GNAO1: variants seen among roughly 807,000 people sequenced by gnomAD.
The protein encoded by GNAO1 is G protein subunit alpha o1, also known as guanine nucleotide-binding protein G(o) subunit alpha.
For missense variants in GNAO1, 166 were observed against 478.7 expected (o/e 0.35, Z 6.10); for synonymous variants, 164 against 180.7 (o/e 0.91, Z 0.74).
At chr16:56,275,873 C>G (rs2143520670) in intron 2 of GNAO1, 58 bp from the exon 3 acceptor site, 1 of 1,484,664 alleles carries the variant, frequency 6.7e-7, no homozygotes, top group Non-Finnish European at 9.1e-7. Flanking sequence ...TGCCTGTGCT[C>G]TCTGTGTTGA....
Position 56,296,167 on chromosome 16 carries a change from G to A in GNAO1, c.303+20095G>A, listed in dbSNP as rs534672633. ...GTTTGGCTGATTGCCAGCCAAAACC[G>A]AATGGGCTTGTGGGAGAGTTCTGTT... On this transcript the variant is annotated intron_variant, in intron 3 of 8. Coordinates refer to ENST00000262493, the MANE Select transcript of GNAO1 (RefSeq NM_020988.3). 6.2e-4 allele frequency among the ~76,000 whole-genome samples: 95 copies of A among 152,310 alleles called. 2 individuals carry two copies. The South Asian group carries it at 0.019, about 30-fold the overall frequency.
rs374404135 is a variant in GNAO1, at chr16:56,346,158, C to T, written c.724-5226C>T. The T allele has an allele frequency of 3.1e-4, 301 of 985,448 alleles. 4 individuals are homozygous for T. The South Asian group carries it at 7.3e-3, about 24-fold the overall frequency. 61.0% of individuals were successfully genotyped at this position (985,448 alleles called of 1,614,324 possible). On this transcript the variant is annotated intron_variant, in intron 6 of 8. Transcript: ENST00000262493. ...CCTCCCACCCTAGCCTGGGGGTGGTCCTTGGTCCTCAGGGGTATCCGGGGA... is the reference window on the plus strand; with the variant it reads ...CCTCCCACCCTAGCCTGGGGGTGGTTCTTGGTCCTCAGGGGTATCCGGGGA...
chr16:56,273,561 C>G (rs1464516980), intron 2 of GNAO1, among the ~76,000 whole-genome samples: 1 of 152,114 alleles, frequency 6.6e-6, no homozygotes, highest in African/African-American at 2.4e-5. Context: ...TTTGCATATT[C>G]AGGAATTATT....
intron 2 of GNAO1, among the ~76,000 whole-genome samples, chr16:56,275,675 T>C (rs1596836272): frequency 6.6e-6 from 1 of 152,250 alleles, no homozygotes; most frequent in East Asian, 1.9e-4. Context: ...TCAAGTATTA[T>C]CACACCTCAT....
intron 2 of GNAO1, chr16:56,194,515 C>G: frequency 3.2e-6 from 1 of 311,924 alleles, no homozygotes; most frequent in Non-Finnish European, 6.4e-6. Flanking sequence ...CCGGAAAAGT[C>G]GATGGGGCTC....
At chr16:56,352,851 A>G (rs988038565) in intron 7 of GNAO1, 1 of 152,344 alleles carries the variant, frequency 6.6e-6, no homozygotes, top group Non-Finnish European at 1.5e-5. Flanking sequence ...CAAAGTCCCA[A>G]TAGGGCAGAG....
At chr16:56,314,640 C>G (rs1227401652) in intron 3 of GNAO1, among the ~76,000 whole-genome samples, 3 of 152,178 alleles carry the variant, frequency 2.0e-5, no homozygotes, top group Non-Finnish European at 4.4e-5. Flanking sequence ...CTCTGCAGCC[C>G]GGCGCCGAGT....
intron 6 of GNAO1, among the ~76,000 whole-genome samples, chr16:56,341,224 T>C (rs560523132): frequency 4.6e-5 from 7 of 152,276 alleles, no homozygotes; most frequent in South Asian, 2.1e-4. Context: ...TGTGTGACCA[T>C]GGCGGCCTCT....
intron 3 of GNAO1, among the ~76,000 whole-genome samples, chr16:56,321,683 A>G (rs1446551405): frequency 1.3e-5 from 2 of 152,112 alleles, no homozygotes; most frequent in Non-Finnish European, 2.9e-5. Flanking sequence ...GTAAAACAAG[A>G]GAAAAAAGCC....
chr16:56,337,358 G>T (rs1836533631), intron 6 of GNAO1, among the ~76,000 whole-genome samples: 1 of 152,226 alleles, frequency 6.6e-6, no homozygotes. Context: ...TGGGGTTGGG[G>T]GTGCTGGGGA....
chr16:56,291,558 G>A (rs999985467), intron 3 of GNAO1, among the ~76,000 whole-genome samples: 2 of 152,096 alleles, frequency 1.3e-5, no homozygotes, highest in East Asian at 3.8e-4. Context: ...ATTATCTTTC[G>A]AATTTTGTGA....
chr16:56,327,068 G>C (rs1330992566), intron 3 of GNAO1, among the ~76,000 whole-genome samples: 4 of 152,126 alleles, frequency 2.6e-5, no homozygotes, highest in Non-Finnish European at 4.4e-5. Context: ...ATGAAGTGGA[G>C]ATGGTAATAC....
At chr16:56,241,134 G>C (rs1473957879) in intron 2 of GNAO1, among the ~76,000 whole-genome samples, 1 of 152,204 alleles carries the variant, frequency 6.6e-6, no homozygotes, top group African/African-American at 2.4e-5. Context: ...GCAGTTCTTT[G>C]CCACAGGCCT....
chr16:56,265,420 G>A (rs543405473), intron 2 of GNAO1, among the ~76,000 whole-genome samples: 1 of 152,216 alleles, frequency 6.6e-6, no homozygotes, highest in African/African-American at 2.4e-5. Flanking sequence ...CCAGTGCCTG[G>A]AATGAAGAAA....
chr16:56,207,598 T>C (rs1289578334), intron 2 of GNAO1, among the ~76,000 whole-genome samples: 1 of 152,216 alleles, frequency 6.6e-6, no homozygotes, highest in Non-Finnish European at 1.5e-5. Context: ...GATGCTTAAA[T>C]ACAATTGTTG....
chr16:56,204,187 G>A (rs1596794952), intron 2 of GNAO1, among the ~76,000 whole-genome samples: 3 of 152,274 alleles, frequency 2.0e-5, no homozygotes, highest in Admixed American at 6.5e-5. Flanking sequence ...ATTTAGTTAT[G>A]CCATCAAGTT....
chr16:56,304,065 G>C (rs1400112075), intron 3 of GNAO1, among the ~76,000 whole-genome samples: 15 of 152,196 alleles, frequency 9.9e-5, no homozygotes, highest in Admixed American at 2.6e-4. Flanking sequence ...CCTACTGTTT[G>C]CCCAGTTTGT....
chr16:56,322,206 T>C (rs552377053), intron 3 of GNAO1, among the ~76,000 whole-genome samples: 308 of 152,242 alleles, frequency 2.0e-3, no homozygotes, highest in African/African-American at 6.9e-3. Flanking sequence ...GATTTCAGCA[T>C]AGGAATCTTA....
intron 3 of GNAO1, among the ~76,000 whole-genome samples, chr16:56,282,272 A>G (rs1270426976): frequency 6.6e-6 from 1 of 152,338 alleles, no homozygotes; most frequent in South Asian, 2.1e-4. Context: ...TCCCTCATTC[A>G]TATCTGCCGT....
Sources: gnomAD v4.1 joint callset for allele counts (sites outside exome capture counted in the v4.1 genomes callset) on GRCh38, gnomAD v4.1.1 for gene constraint, MANE v1.5 for transcripts, NCBI Gene and HGNC (gene_info 2026-07-23, HGNC 2026-07-21) for gene names.